The following NCAM2 variants were observed in gnomAD, a reference collection of about 807,000 sequenced individuals.
NCAM2 encodes neural cell adhesion molecule 2, also known as N-CAM-2.
A neutral mutation model predicts 98.1 loss-of-function variants in NCAM2; 30 were observed. That is an observed-to-expected ratio of 0.31 (90% CI 0.23 to 0.41). The LOEUF (loss-of-function observed/expected upper bound fraction) is 0.41. NCAM2 is among the 10% of genes least tolerant of loss of function. The pLI is 1.00. For synonymous variants in NCAM2, 368 were observed against 342.4 expected (o/e 1.07, Z -0.83); for missense variants, 867 against 1,005.8 (o/e 0.86, Z 1.87).
intron 9 of NCAM2, among the ~76,000 whole-genome samples, chr21:21,409,547 C>T (rs1051996216): frequency 1.3e-5 from 2 of 151,982 alleles, no homozygotes; most frequent in Non-Finnish European, 2.9e-5. Context: ...ATGACTTAAA[C>T]GAAATAAAAA....
At position 21,462,503 on chromosome 21, in the gene NCAM2, T is replaced by G. The variant is rs59914064; in HGVS notation, c.1655-4103T>G. ...ATAATGCATTATAGGAACAAAAAAT[T>G]ATTTTGTGTAGTTCCCTTTAATAAA... On this transcript the variant is annotated intron_variant, in intron 12 of 17. Coordinates refer to ENST00000400546, the MANE Select transcript of NCAM2 (RefSeq NM_004540.5). Among the ~76,000 whole-genome samples the G allele has an allele frequency of 7.9e-3, 1,202 of 152,076 alleles. 22 individuals are homozygous for G. The highest frequency in any genetic ancestry group is 0.028 in the African/African-American group (1,142 of 41,520).
At chr21:21,210,964 CCAAA>C (rs2069632004) in intron 1 of NCAM2, among the ~76,000 whole-genome samples, 1 of 96,762 alleles carries the variant, frequency 1.0e-5, no homozygotes, top group South Asian at 3.6e-4. Context: ...AATACTCTCC[CCAAA>C]CACACACACA....
chr21:21,357,342 A>G (rs1475544431), intron 8 of NCAM2, among the ~76,000 whole-genome samples: 1 of 152,158 alleles, frequency 6.6e-6, no homozygotes, highest in East Asian at 1.9e-4. Context: ...CTTTGATTAT[A>G]AAAAATACAA....
At chr21:21,265,493 T>C (rs1311375941) in intron 1 of NCAM2, among the ~76,000 whole-genome samples, 9 of 142,174 alleles carry the variant, frequency 6.3e-5, no homozygotes, top group South Asian at 2.2e-4. Context: ...TATACACATA[T>C]ATAATATATG....
In NCAM2 at chr21:21,136,630, GT is replaced by G. The variant is rs562756936; in HGVS notation, c.55+138023del. Among the ~76,000 whole-genome samples, 394 of 145,842 alleles carry G rather than the reference GT, an allele frequency of 2.7e-3. 4 individuals carry two copies. Among genetic ancestry groups the G allele is most frequent in the African/African-American group, 9.0e-3 (356 of 39,722 alleles). ...GTGCAGGCCACCACGCCTGTTTTTT[GT>G]TTTTTTTTTTATTTTTAGTAGAGAT... On this transcript the variant is annotated intron_variant, in intron 1 of 17. Coordinates refer to ENST00000400546, the MANE Select transcript of NCAM2 (RefSeq NM_004540.5).
chr21:21,116,698 C>CA (rs978976010), intron 1 of NCAM2, among the ~76,000 whole-genome samples: 49 of 151,306 alleles, frequency 3.2e-4, no homozygotes, highest in Middle Eastern at 3.4e-3. Context: ...CTAAAAATAC[C>CA]AAAAAAAATA....
At chr21:21,074,195 C>A (rs1405207809) in intron 1 of NCAM2, among the ~76,000 whole-genome samples, 1 of 151,778 alleles carries the variant, frequency 6.6e-6, no homozygotes, top group Non-Finnish European at 1.5e-5. Flanking sequence ...TCATATAGTA[C>A]ATAAAGAATT....
chr21:21,436,497 A>G (rs1181866516), intron 12 of NCAM2, among the ~76,000 whole-genome samples: 3 of 152,076 alleles, frequency 2.0e-5, no homozygotes, highest in Admixed American at 6.6e-5. Context: ...ATTTTAATAT[A>G]TAACATATTA....
chr21:21,245,261 C>T (rs1367384372), intron 1 of NCAM2, among the ~76,000 whole-genome samples: 3 of 152,166 alleles, frequency 2.0e-5, no homozygotes, highest in African/African-American at 4.8e-5. Context: ...ATGCTACACT[C>T]GCCATTTCCA....
chr21:21,108,841 A>T (rs1489024195), intron 1 of NCAM2, among the ~76,000 whole-genome samples: 1 of 152,178 alleles, frequency 6.6e-6, no homozygotes, highest in Non-Finnish European at 1.5e-5. Context: ...CTGATAAATC[A>T]TAAGTATTTG....
At chr21:21,231,370 CATT>C (rs2070618999) in intron 1 of NCAM2, among the ~76,000 whole-genome samples, 1 of 151,224 alleles carries the variant, frequency 6.6e-6, no homozygotes, top group South Asian at 2.1e-4. Flanking sequence ...ATATATGTAT[CATT>C]ATCATGTACT....
At chr21:21,244,885 C>G (rs2071206337) in intron 1 of NCAM2, among the ~76,000 whole-genome samples, 1 of 147,966 alleles carries the variant, frequency 6.8e-6, no homozygotes. Context: ...TATTACAGCA[C>G]TTCAATGTGA....
intron 1 of NCAM2, among the ~76,000 whole-genome samples, chr21:21,229,249 AACCTAT>A (rs1480918300): frequency 3.3e-5 from 5 of 151,680 alleles, no homozygotes; most frequent in African/African-American, 1.2e-4. Context: ...ATATCTTAAT[AACCTAT>A]GTTTGATTTG....
chr21:21,490,470 T>C (rs1986757504), intron 15 of NCAM2, among the ~76,000 whole-genome samples: 1 of 151,986 alleles, frequency 6.6e-6, no homozygotes, highest in African/African-American at 2.4e-5. Flanking sequence ...TAAATTCAAT[T>C]AGTCTTTATC....
chr21:21,348,424 A>G (rs1042227987), intron 8 of NCAM2, among the ~76,000 whole-genome samples: 1 of 152,134 alleles, frequency 6.6e-6, no homozygotes, highest in African/African-American at 2.4e-5. Context: ...AAAACTTTGT[A>G]AACACTGATG....
chr21:21,157,847 A>C (rs2067661934), intron 1 of NCAM2, among the ~76,000 whole-genome samples: 1 of 152,160 alleles, frequency 6.6e-6, no homozygotes, highest in African/African-American at 2.4e-5. Flanking sequence ...TTTCTAGCCC[A>C]ATCAAGCATC....
Position 21,509,027 on chromosome 21 carries a change from G to A in NCAM2, c.2254G>A (p.Glu752Lys). 1 of 1,613,418 alleles carries A rather than the reference G, an allele frequency of 6.2e-7. No homozygotes were observed. Among genetic ancestry groups the A allele is most frequent in the African/African-American group, 1.3e-5 (1 of 74,912 alleles). ...KKSGSSGKSK[E>K]LEEGKAAYLK... ...AAGTGGCTCCAGTGGCAAAAGTAAA[G>A]AACTCGAAGAAGGAAAAGCTGCATA... The change falls in exon 16 of 18, where the codon GAA becomes AAA. Residue 752 changes from glutamate to lysine, a missense_variant. Glu to Lys is a moderately conservative substitution (Grantham distance 56, BLOSUM62 1). This residue lies in a region of NCAM2 where 125 missense variants were observed against 116.1 expected (regional missense o/e 1.08). Transcript: ENST00000400546.
intron 17 of NCAM2, 24 bp downstream of exon 17, chr21:21,534,680 T>A (rs762775958): frequency 6.5e-7 from 1 of 1,543,352 alleles, no homozygotes; most frequent in African/African-American, 1.4e-5. Flanking sequence ...AGTGCTCACT[T>A]ATGTTCAAAT....
chr21:21,142,041 G>A (rs1221051758), intron 1 of NCAM2, among the ~76,000 whole-genome samples: 1 of 152,038 alleles, frequency 6.6e-6, no homozygotes, highest in East Asian at 1.9e-4. Flanking sequence ...AGCCTTTAAG[G>A]GATTTTTGCA....
Sources: gnomAD v4.1 joint callset for allele counts (sites outside exome capture counted in the v4.1 genomes callset) on GRCh38, gnomAD v4.1.1 for gene constraint, gnomAD v4.1.1 regional missense constraint, MANE v1.5 for transcripts, NCBI Gene and HGNC (gene_info 2026-07-23, HGNC 2026-07-21) for gene names.